The following PKN2 variants were observed in gnomAD, a reference collection of about 807,000 sequenced individuals.
PKN2 encodes serine/threonine-protein kinase N2.
Under a neutral mutation model 119.1 loss-of-function variants are expected in PKN2, and 38 were observed. That is an observed-to-expected ratio of 0.32 (90% CI 0.25 to 0.42). PKN2 has a LOEUF of 0.42. Ranked by LOEUF, PKN2 falls within the 10% of genes least tolerant of loss-of-function variation. PKN2 has a pLI of 1.00. For missense variants in PKN2, 850 were observed against 1,165.1 expected, an observed-to-expected ratio of 0.73 and a Z score of 3.94; for synonymous variants, 390 against 384.9, an observed-to-expected ratio of 1.01 and a Z score of -0.15.
At chr1:88,729,345 A>G (rs764509431) in intron 1 of PKN2, among the ~76,000 whole-genome samples, 6 of 152,184 alleles carry the variant, frequency 3.9e-5, no homozygotes, top group Admixed American at 6.5e-5. Context: ...TTATGTGTCT[A>G]TTGCAGCATA....
At chr1:88,725,524 G>A (rs370998326) in intron 1 of PKN2, among the ~76,000 whole-genome samples, 12 of 152,090 alleles carry the variant, frequency 7.9e-5, no homozygotes, top group African/African-American at 2.9e-4. Flanking sequence ...ATCTTTTTAT[G>A]TGCTTGTTTG....
chr1:88,800,806 A>C (rs1671274154), intron 8 of PKN2, among the ~76,000 whole-genome samples: 1 of 152,150 alleles, frequency 6.6e-6, no homozygotes, highest in Non-Finnish European at 1.5e-5. Flanking sequence ...GTTTACTTTC[A>C]GATCTTAGAC....
At chr1:88,711,246 A>G (rs896153793) in intron 1 of PKN2, among the ~76,000 whole-genome samples, 7 of 152,118 alleles carry the variant, frequency 4.6e-5, no homozygotes, top group African/African-American at 1.7e-4. Context: ...CCGCCATGAC[A>G]TGTTTACCTA....
In PKN2 at chr1:88,773,796, G is replaced by A. The variant is rs143997818; in HGVS notation, c.985+1917G>A. 7.2e-5 allele frequency among the ~76,000 whole-genome samples: 11 copies of A among 151,786 alleles called. No individual in the cohort carries two copies. In the East Asian group the frequency reaches 2.1e-3, roughly 29 times the overall value. The stretch of plus-strand genomic sequence containing the variant: ...TCCGCCTCTAAGAAAGAAAGAAAGA[G>A]AGAGAAACATTTAAAGTAATTACAG... On this transcript the variant is annotated intron_variant, in intron 6 of 21. Transcript: ENST00000370521.
intron 1 of PKN2, among the ~76,000 whole-genome samples, chr1:88,702,122 C>A (rs2100666412): frequency 6.6e-6 from 1 of 152,280 alleles, no homozygotes; most frequent in South Asian, 2.1e-4. Flanking sequence ...CCAAGCCCAG[C>A]TAATTTTTTG....
intron 1 of PKN2, among the ~76,000 whole-genome samples, chr1:88,737,345 G>T (rs1386869437): frequency 6.6e-6 from 1 of 152,184 alleles, no homozygotes; most frequent in African/African-American, 2.4e-5. Flanking sequence ...TTGGGTGCCA[G>T]CCTGGGATCA....
intron 1 of PKN2, among the ~76,000 whole-genome samples, chr1:88,729,066 G>A (rs1280674176): frequency 6.6e-6 from 1 of 151,846 alleles, no homozygotes; most frequent in Non-Finnish European, 1.5e-5. Context: ...GGCTAATTTT[G>A]TATTTTTAGT....
At chr1:88,794,105 C>T (rs576477400) in intron 8 of PKN2, among the ~76,000 whole-genome samples, 12 of 152,282 alleles carry the variant, frequency 7.9e-5, no homozygotes, top group African/African-American at 2.6e-4. Context: ...CGGTGGCTCA[C>T]GCCTGTAATC....
intron 2 of PKN2, among the ~76,000 whole-genome samples, chr1:88,743,817 C>G (rs1016027720): frequency 6.6e-6 from 1 of 150,614 alleles, no homozygotes; most frequent in Admixed American, 6.7e-5. Context: ...CATTAAATAA[C>G]TTAGAAAACA....
At chr1:88,728,104 T>C (rs1475631267) in intron 1 of PKN2, among the ~76,000 whole-genome samples, 1 of 150,568 alleles carries the variant, frequency 6.6e-6, no homozygotes, top group Non-Finnish European at 1.5e-5. Flanking sequence ...ACCCAGAGAA[T>C]TCATATCTTG....
chr1:88,747,602 A>G (rs1159869468), intron 2 of PKN2, among the ~76,000 whole-genome samples: 1 of 152,164 alleles, frequency 6.6e-6, no homozygotes, highest in East Asian at 1.9e-4. Flanking sequence ...GAAGAAGACT[A>G]TAAGAACATT....
At chr1:88,739,216 T>TAC (rs1291173356) in intron 1 of PKN2, among the ~76,000 whole-genome samples, 2 of 152,008 alleles carry the variant, frequency 1.3e-5, no homozygotes, top group African/African-American at 4.8e-5. Context: ...TTCATGCCTG[T>TAC]AAACCCAGCA....
intron 6 of PKN2, among the ~76,000 whole-genome samples, chr1:88,777,046 C>T (rs1012398062): frequency 6.6e-6 from 1 of 152,042 alleles, no homozygotes; most frequent in Non-Finnish European, 1.5e-5. Context: ...TTTTTGCCTA[C>T]ATTGGTGTGC....
chr1:88,833,219 T>C (rs760490951), intron 21 of PKN2, 26 bp from the exon 22 acceptor site: 1 of 1,608,730 alleles, frequency 6.2e-7, no homozygotes, highest in East Asian at 2.2e-5. Flanking sequence ...CAAACTAAAC[T>C]AGTCATTTTT....
chr1:88,776,915 T>C (rs1222553059), intron 6 of PKN2, among the ~76,000 whole-genome samples: 1 of 152,198 alleles, frequency 6.6e-6, no homozygotes, highest in Non-Finnish European at 1.5e-5. Flanking sequence ...AGAGTGGATC[T>C]TTTTGAATTT....
intron 1 of PKN2, among the ~76,000 whole-genome samples, chr1:88,686,615 T>G (rs1237883903): frequency 6.6e-6 from 1 of 152,132 alleles, no homozygotes; most frequent in Non-Finnish European, 1.5e-5. Context: ...TTTTCTTGGT[T>G]TATTTGACTC....
intron 3 of PKN2, among the ~76,000 whole-genome samples, chr1:88,764,928 T>G (rs1372957713): frequency 6.6e-6 from 1 of 152,130 alleles, no homozygotes; most frequent in Non-Finnish European, 1.5e-5. Flanking sequence ...TTTTGTTTTG[T>G]TTTGTTTTGT....
intron 1 of PKN2, among the ~76,000 whole-genome samples, chr1:88,702,796 CTG>C (rs201473356): frequency 0.035 from 5,377 of 152,208 alleles, 136 homozygotes; most frequent in Middle Eastern, 0.079. Flanking sequence ...AACTATTTTT[CTG>C]TGTGATAGTT....
chr1:88,695,716 GCTT>G (rs943137672), intron 1 of PKN2, among the ~76,000 whole-genome samples: 1 of 152,034 alleles, frequency 6.6e-6, no homozygotes, highest in Non-Finnish European at 1.5e-5. Flanking sequence ...AGGAAAAATT[GCTT>G]CTTCTTGGTA....
Sources: allele counts gnomAD v4.1 joint callset (sites outside exome capture counted in the v4.1 genomes callset), GRCh38; gene constraint gnomAD v4.1.1; transcripts MANE v1.5; gene names NCBI Gene and HGNC (gene_info 2026-07-23, HGNC 2026-07-21).